The following JAM2 variants were observed in gnomAD, a reference collection of about 807,000 sequenced individuals.
JAM2 encodes junctional adhesion molecule 2.
Under a neutral mutation model 42.0 loss-of-function variants are expected in JAM2, and 17 were observed. That is an observed-to-expected ratio of 0.40 (90% CI 0.28 to 0.61). The LOEUF is 0.61. Among genes scored for constraint, JAM2 ranks in the 20% least tolerant of loss-of-function variants. The pLI, the probability that JAM2 is intolerant of heterozygous loss-of-function variation, is 0.37. For synonymous variants in JAM2, 118 were observed against 128.6 expected (o/e 0.92, Z 0.56); for missense variants, 319 against 358.3 (o/e 0.89, Z 0.89).
At position 25,717,325 on chromosome 21, in the gene JAM2, T is replaced by C; in HGVS notation, c.*2653T>C. On this transcript the variant is annotated 3_prime_UTR_variant, in exon 10 of 10. Coordinates refer to ENST00000480456, the MANE Select transcript of JAM2 (RefSeq NM_021219.4). ...AAATCCCATTGTAATTCTTACAGCA[T>C]TTTGACTTTATTTTCCTGCAGTGAA... 5.6e-6 allele frequency: 1 copy of C among 178,162 alleles called. No individual in the cohort carries two copies. 11.0% of individuals were successfully genotyped at this position (178,162 alleles called of 1,614,324 possible). A position where few individuals can be genotyped will look rare whatever the true frequency, so the allele number is the denominator to read the frequency against.
chr21:25,711,670 T>C (rs892987253), intron 8 of JAM2: 2 of 271,848 alleles, frequency 7.4e-6, no homozygotes, highest in African/African-American at 4.5e-5. Context: ...AAAGTGTTGC[T>C]ACTTCCCACC....
chr21:25,646,993 G>A (rs1420727770), intron 1 of JAM2, among the ~76,000 whole-genome samples: 2 of 152,134 alleles, frequency 1.3e-5, no homozygotes, highest in African/African-American at 4.8e-5. Context: ...CTTTATATTT[G>A]TAAGGAGTAA....
At chr21:25,644,021 A>G (rs1379324348) in intron 1 of JAM2, 1 of 152,200 alleles carries the variant, frequency 6.6e-6, no homozygotes, top group Admixed American at 6.5e-5. Flanking sequence ...CCATAGCAAT[A>G]TAGTAGTAAC....
chr21:25,694,591 A>T (rs2033954078), intron 4 of JAM2, among the ~76,000 whole-genome samples: 1 of 152,122 alleles, frequency 6.6e-6, no homozygotes, highest in Non-Finnish European at 1.5e-5. Context: ...CCACTTTGGG[A>T]GGTTGAAGTG....
At chr21:25,670,967 T>A (rs2033346640) in intron 1 of JAM2, among the ~76,000 whole-genome samples, 1 of 152,258 alleles carries the variant, frequency 6.6e-6, no homozygotes, top group African/African-American at 2.4e-5. Flanking sequence ...CTGTAAGCAC[T>A]TGTGGTAATA....
intron 1 of JAM2, among the ~76,000 whole-genome samples, chr21:25,672,302 C>A (rs1488556504): frequency 2.0e-5 from 3 of 152,088 alleles, no homozygotes; most frequent in African/African-American, 7.2e-5. Flanking sequence ...ATCCCTGACC[C>A]AAACAGCCCC....
At chr21:25,642,218 A>T (rs996403976) in intron 1 of JAM2, among the ~76,000 whole-genome samples, 1 of 151,966 alleles carries the variant, frequency 6.6e-6, no homozygotes, top group African/African-American at 2.4e-5. Flanking sequence ...CTTCTTCAGG[A>T]AGGAGAGTTA....
chr21:25,695,623 G>A (rs1213988702), intron 4 of JAM2, among the ~76,000 whole-genome samples: 1 of 150,576 alleles, frequency 6.6e-6, no homozygotes, highest in African/African-American at 2.5e-5. Flanking sequence ...CCTCCCTCCC[G>A]GATGGGGCGG....
chr21:25,654,105 A>T (rs935080905), intron 1 of JAM2, among the ~76,000 whole-genome samples: 2 of 152,222 alleles, frequency 1.3e-5, no homozygotes, highest in African/African-American at 4.8e-5. Flanking sequence ...TCTTTTAGGC[A>T]TGTATGTGTA....
chr21:25,678,423 A>G (rs1358547990), intron 1 of JAM2, among the ~76,000 whole-genome samples: 2 of 152,184 alleles, frequency 1.3e-5, no homozygotes. Flanking sequence ...AAAGGAATGC[A>G]GGAGAAGAAA....
At chr21:25,697,241 C>T (rs537564281) in intron 4 of JAM2, among the ~76,000 whole-genome samples, 1 of 151,744 alleles carries the variant, frequency 6.6e-6, no homozygotes, top group Non-Finnish European at 1.5e-5. Flanking sequence ...CAAACCCATT[C>T]ATGAAATCAT....
At chr21:25,707,830 G>A (rs1194508422) in intron 7 of JAM2, among the ~76,000 whole-genome samples, 3 of 152,020 alleles carry the variant, frequency 2.0e-5, no homozygotes, top group South Asian at 2.1e-4. Context: ...CATTAATTTC[G>A]GAATTTAGAT....
intron 1 of JAM2, among the ~76,000 whole-genome samples, chr21:25,660,759 CATATATATAT>C (rs1311949044): frequency 5.6e-5 from 3 of 53,454 alleles, no homozygotes; most frequent in African/African-American, 2.8e-4. Flanking sequence ...TCACAATAAC[CATATATATAT>C]ATATATATAT....
chr21:25,665,514 T>G (rs539298350), intron 1 of JAM2, among the ~76,000 whole-genome samples: 1 of 152,308 alleles, frequency 6.6e-6, no homozygotes, highest in African/African-American at 2.4e-5. Context: ...TGTGCATGTA[T>G]GTACATATAT....
chr21:25,655,064 A>T lies in JAM2; in HGVS notation c.67+15176A>T, dbSNP rs118102744. ...ATTATAACAAGGAATTATTTTTGTT[A>T]GTTGTTCAAATGGTGTTATAGTTAT... is the stretch of plus-strand genomic sequence containing the variant. On this transcript the variant is annotated intron_variant, in intron 1 of 9. Coordinates refer to ENST00000480456, the MANE Select transcript of JAM2 (RefSeq NM_021219.4). Among the ~76,000 whole-genome samples, 622 of 152,318 alleles carry T rather than the reference A, an allele frequency of 4.1e-3. 5 individuals carry two copies. Among genetic ancestry groups the T allele is most frequent in the Non-Finnish European group, 4.5e-3 (304 of 68,028 alleles).
intron 7 of JAM2, among the ~76,000 whole-genome samples, chr21:25,707,955 C>T (rs971397470): frequency 6.6e-6 from 1 of 152,024 alleles, no homozygotes; most frequent in Non-Finnish European, 1.5e-5. Context: ...AGCAGTCCTC[C>T]CACCTCAGCC....
chr21:25,669,425 T>C (rs1274723105), intron 1 of JAM2, among the ~76,000 whole-genome samples: 1 of 151,712 alleles, frequency 6.6e-6, no homozygotes, highest in African/African-American at 2.4e-5. Flanking sequence ...GGGAAAAGTA[T>C]AACCCTAACA....
At chr21:25,669,507 C>T (rs959128206) in intron 1 of JAM2, among the ~76,000 whole-genome samples, 2 of 152,148 alleles carry the variant, frequency 1.3e-5, no homozygotes, top group Admixed American at 6.5e-5. Context: ...ATCTGCGTCA[C>T]CACATTGGAT....
intron 1 of JAM2, among the ~76,000 whole-genome samples, chr21:25,641,482 T>C (rs531067320): frequency 2.6e-5 from 4 of 152,198 alleles, no homozygotes; most frequent in Admixed American, 6.5e-5. Flanking sequence ...TTGTCTCTGC[T>C]AAACTTGATT....
Sources: gnomAD v4.1 joint callset for allele counts (sites outside exome capture counted in the v4.1 genomes callset) on GRCh38, gnomAD v4.1.1 for gene constraint, MANE v1.5 for transcripts, NCBI Gene and HGNC (gene_info 2026-07-23, HGNC 2026-07-21) for gene names.